The following TRAF3IP2 variants were observed in gnomAD, a reference collection of about 807,000 sequenced individuals.
TRAF3IP2 encodes TRAF3 interacting protein 2, also known as E3 ubiquitin ligase TRAF3IP2.
TRAF3IP2 carries 35 observed loss-of-function variants against 57.9 expected under a neutral mutation model. The ratio of observed to expected loss-of-function variants is 0.60; its 90% CI spans 0.46 to 0.80. The LOEUF is 0.80. Ranked by LOEUF, TRAF3IP2 falls within the 30% of genes least tolerant of loss-of-function variation. The pLI, the probability that TRAF3IP2 is intolerant of heterozygous loss-of-function variation, is 0.00. For missense variants in TRAF3IP2, 556 were observed against 706.4 expected (o/e 0.79, Z 2.41); for synonymous variants, 251 against 268.9 (o/e 0.93, Z 0.65).
intron 2 of TRAF3IP2, among the ~76,000 whole-genome samples, chr6:111,581,849 G>A (rs900183467): frequency 9.9e-5 from 15 of 152,170 alleles, no homozygotes; most frequent in South Asian, 4.2e-4. Flanking sequence ...GTGATGGCGC[G>A]CACCTGTAAC....
At chr6:111,561,931 T>C (rs1795461281) in intron 8 of TRAF3IP2, among the ~76,000 whole-genome samples, 2 of 152,260 alleles carry the variant, frequency 1.3e-5, no homozygotes, top group Admixed American at 6.5e-5. Context: ...GATAGAAAGG[T>C]GTGCCATCGC....
At chr6:111,603,221 G>A (rs1285013206) in intron 1 of TRAF3IP2, among the ~76,000 whole-genome samples, 1 of 152,216 alleles carries the variant, frequency 6.6e-6, no homozygotes, top group East Asian at 1.9e-4. Flanking sequence ...GTGGGAGAAA[G>A]GACAGCCTGA....
Position 111,580,341 on chromosome 6 carries a change from G to C in TRAF3IP2, c.878C>G (p.Ala293Gly), listed in dbSNP as rs1262799162. The change falls in exon 3 of 9, where the codon GCT becomes GGT. Residue 293 changes from alanine (A) to glycine (G), a missense_variant. Transcript: ENST00000368761. Reference sequence around the variant, plus strand: ...TCCAGGCAGGGGCTGCCCAGGCAGAGCCGGCTGGATCACTTGCTGGTAGGC... The same window carrying C: ...TCCAGGCAGGGGCTGCCCAGGCAGACCCGGCTGGATCACTTGCTGGTAGGC... ...RAAYQQVIQP[A>G]LPGQPLPGAS... 9 of 1,595,758 alleles carry C rather than the reference G, an allele frequency of 5.6e-6. No individual in the cohort carries two copies. Among genetic ancestry groups the C allele is most frequent in the Non-Finnish European group, 7.7e-6 (9 of 1,173,788 alleles).
At position 111,591,416 on chromosome 6, in the gene TRAF3IP2, G is replaced by A. The variant is rs768886638; in HGVS notation, c.671C>T (p.Pro224Leu). The A allele has an allele frequency of 1.3e-6, 2 of 1,564,720 alleles. No homozygotes were observed. Among genetic ancestry groups the A allele is most frequent in the Admixed American group, 3.8e-5 (2 of 52,926 alleles). Residue 224 changes from proline to leucine, a missense_variant, in exon 2 of 9, where the codon CCC becomes CTC. Around this residue, in one of 2 missense-constraint regions of TRAF3IP2, gnomAD observed 428 missense variants for 498.7 expected, o/e 0.86. Coordinates refer to ENST00000368761, the MANE Select transcript of TRAF3IP2 (RefSeq NM_147686.4). This position sits in a 1 kb window ranked among gnomAD's most constrained non-coding sequence, Gnocchi z 4.9. The part of the protein sequence containing the change: ...RPLPLTSVCY[P>L]QDLPRPLRSR... ...CCTGAGAGGTCTGGGGAGGTCCTGG[G>A]GGTAACACACGGAGGTGAGGGGCAG...
chr6:111,583,422 G>C (rs1489613936), intron 2 of TRAF3IP2, among the ~76,000 whole-genome samples: 1 of 152,188 alleles, frequency 6.6e-6, no homozygotes, highest in Non-Finnish European at 1.5e-5. Context: ...GTGAAGCTCT[G>C]TCTGTATTTA....
At chr6:111,573,774 A>C (rs548493151) in intron 4 of TRAF3IP2, 135 of 152,326 alleles carry the variant, frequency 8.9e-4, no homozygotes, top group African/African-American at 3.1e-3. Context: ...TTTAATGTGA[A>C]AGCTGAATAA....
rs769954660 is a variant in TRAF3IP2, at chr6:111,591,258, A to G, written c.829T>C (p.Tyr277His). The G allele has an allele frequency of 6.7e-7, 1 of 1,485,882 alleles. No homozygotes were observed. The highest frequency in any genetic ancestry group is 2.3e-5 in the Admixed American group (1 of 43,066). 92.0% of individuals were successfully genotyped at this position (1,485,882 alleles called of 1,614,324 possible). A position where few individuals can be genotyped will look rare whatever the true frequency, so the allele number is the denominator to read the frequency against. The part of the protein sequence containing the change: ...CPGSPDHQVP[Y>H]GHDYPRAAYQ... ...CCCAGAGGAGGTAAAGATCACTTAC[A>G]TGGCACCTGGTGATCGGGACTTCCA... The change falls in exon 2 of 9, where the codon TAT (tyrosine) becomes CAT (histidine). Residue 277 changes from tyrosine to histidine, a missense_variant and splice_region_variant. Around this residue, in one of 2 missense-constraint regions of TRAF3IP2, gnomAD observed 428 missense variants for 498.7 expected, o/e 0.86. Coordinates refer to ENST00000368761, the MANE Select transcript of TRAF3IP2 (RefSeq NM_147686.4). The surrounding 1 kb of genome is among the most constrained non-coding windows in gnomAD (Gnocchi z 4.9).
At chr6:111,584,394 C>T (rs1448747489) in intron 2 of TRAF3IP2, among the ~76,000 whole-genome samples, 1 of 152,174 alleles carries the variant, frequency 6.6e-6, no homozygotes, top group Non-Finnish European at 1.5e-5. Context: ...CCATGCTGTC[C>T]TTTTATTGTT....
intron 2 of TRAF3IP2, among the ~76,000 whole-genome samples, chr6:111,582,014 A>C (rs994970548): frequency 6.6e-6 from 1 of 152,200 alleles, no homozygotes; most frequent in Admixed American, 6.5e-5. Context: ...TAGCTTGGCA[A>C]AGCAGTCAGG....
intron 1 of TRAF3IP2, chr6:111,598,113 C>T (rs1796754215): frequency 6.2e-5 from 21 of 339,136 alleles, no homozygotes; most frequent in South Asian, 4.8e-4. Flanking sequence ...TGGCTCAGAA[C>T]CCCTCTCTGA....
At chr6:111,592,231 A>C (rs1320502662) in intron 1 of TRAF3IP2, 137 bp from the exon 2 acceptor site, 1 of 748,796 alleles carries the variant, frequency 1.3e-6, no homozygotes, top group Non-Finnish European at 2.2e-6. Context: ...CAAAGCCCTA[A>C]TCACATAAAA....
At position 111,577,237 on chromosome 6, in the gene TRAF3IP2, CTTAG is replaced by C. The variant is rs1449218419; in HGVS notation, c.1023-1420_1023-1417del. 16 of 150,782 alleles carry C rather than the reference CTTAG, an allele frequency of 1.1e-4. 1 individual carries two copies. Among genetic ancestry groups the C allele is most frequent in the African/African-American group, 3.9e-4 (16 of 41,012 alleles). 9.3% of individuals were successfully genotyped at this position (150,782 alleles called of 1,614,324 possible). On this transcript the variant is annotated intron_variant, in intron 3 of 8. Transcript: ENST00000368761. The stretch of plus-strand genomic sequence containing the variant: ...ACCAAAAAAATTGTTTCAAAAGTTG[CTTAG>C]TTGTTATAGAAGATGATTGCTTATA...
intron 1 of TRAF3IP2, among the ~76,000 whole-genome samples, chr6:111,604,886 G>T (rs1796972392): frequency 6.6e-6 from 1 of 152,060 alleles, no homozygotes. Context: ...TACCCCTCTG[G>T]GACTATCCTG....
chr6:111,563,992 G>A (rs1182934515), intron 7 of TRAF3IP2, among the ~76,000 whole-genome samples: 3 of 152,214 alleles, frequency 2.0e-5, no homozygotes, highest in East Asian at 1.9e-4. Context: ...AGAAGGAGAC[G>A]AGGAATTATG....
At chr6:111,599,750 T>G (rs911765515) in intron 1 of TRAF3IP2, 1 of 152,272 alleles carries the variant, frequency 6.6e-6, no homozygotes, top group African/African-American at 2.4e-5. Context: ...CTGCCTCCCT[T>G]TCTTCAGGTC....
intron 1 of TRAF3IP2, chr6:111,600,438 C>A (rs1473821889): frequency 1.3e-5 from 2 of 152,172 alleles, no homozygotes; most frequent in African/African-American, 2.4e-5. Flanking sequence ...GAGGCTTAGA[C>A]ACATTGAGAA....
chr6:111,567,929 C>T (rs1369064283), intron 5 of TRAF3IP2, among the ~76,000 whole-genome samples: 1 of 152,134 alleles, frequency 6.6e-6, no homozygotes, highest in African/African-American at 2.4e-5. Context: ...TATTGTGATA[C>T]ACATCAAAAT....
chr6:111,603,098 A>G (rs996834796), intron 1 of TRAF3IP2, among the ~76,000 whole-genome samples: 9 of 152,046 alleles, frequency 5.9e-5, no homozygotes, highest in African/African-American at 2.2e-4. Context: ...ACACACACAC[A>G]CACACACACA....
At chr6:111,567,530 G>A (rs1412058747) in intron 6 of TRAF3IP2, 94 bp downstream of exon 6, 20 of 1,406,834 alleles carry the variant, frequency 1.4e-5, no homozygotes, top group Non-Finnish European at 1.9e-5. Flanking sequence ...TTCAGACTTA[G>A]GTGGGTATGC....
Sources: gnomAD v4.1 joint callset for allele counts (sites outside exome capture counted in the v4.1 genomes callset) on GRCh38, gnomAD v4.1.1 for gene constraint, gnomAD v4.1.1 regional missense constraint, Gnocchi (gnomAD v3.1) non-coding constraint, MANE v1.5 for transcripts, NCBI Gene and HGNC (gene_info 2026-07-23, HGNC 2026-07-21) for gene names.